CTNNA2: variants seen among roughly 807,000 people sequenced by gnomAD.
The protein encoded by CTNNA2 is catenin alpha-2.
In CTNNA2, 42 loss-of-function variants were observed where a neutral mutation model predicts 101.0. The observed-to-expected ratio is 0.42, with a 90% CI of 0.32 to 0.54. The LOEUF (loss-of-function observed/expected upper bound fraction) is 0.54. CTNNA2 is among the 20% of genes least tolerant of loss of function. CTNNA2 has a pLI of 0.14. For missense variants in CTNNA2, 871 were observed against 1,223.1 expected (o/e 0.71, Z 4.29); for synonymous variants, 450 against 456.4 (o/e 0.99, Z 0.18).
intron 5 of CTNNA2, among the ~76,000 whole-genome samples, chr2:79,506,404 G>T (rs577267848): frequency 6.6e-6 from 1 of 152,214 alleles, no homozygotes; most frequent in South Asian, 2.1e-4. Flanking sequence ...CCATCAGCAG[G>T]GAGGTATCAG....
chr2:79,651,758 C>T (rs942111491), intron 2 of CTNNA2, 100 bp downstream of exon 2: 13 of 973,948 alleles, frequency 1.3e-5, no homozygotes, highest in Non-Finnish European at 1.8e-5. Flanking sequence ...GAGAATAAAT[C>T]ATGCCATGAT....
At chr2:79,531,089 A>G (rs1425419411) in intron 1 of CTNNA2, among the ~76,000 whole-genome samples, 2 of 151,494 alleles carry the variant, frequency 1.3e-5, no homozygotes, top group East Asian at 3.9e-4. Context: ...GGACTGCTAA[A>G]ATCTCACTTT....
chr2:80,067,413 A>G (rs1023477531), intron 7 of CTNNA2, among the ~76,000 whole-genome samples: 4 of 152,104 alleles, frequency 2.6e-5, no homozygotes, highest in Non-Finnish European at 4.4e-5. Context: ...ATATAAACAT[A>G]TATAATTTTA....
At chr2:79,862,962 A>G (rs527968624) in intron 4 of CTNNA2, among the ~76,000 whole-genome samples, 11 of 152,274 alleles carry the variant, frequency 7.2e-5, no homozygotes, top group Admixed American at 7.2e-4. Context: ...TCAAGGTGCA[A>G]AAGCATGACA....
chr2:79,987,614 A>T (rs997038130), intron 7 of CTNNA2, among the ~76,000 whole-genome samples: 1 of 152,338 alleles, frequency 6.6e-6, no homozygotes, highest in South Asian at 2.1e-4. Flanking sequence ...TAATTTCCTC[A>T]ATTTAAGACA....
chr2:79,953,473 T>TA (rs1689020226), intron 7 of CTNNA2, among the ~76,000 whole-genome samples: 1 of 152,218 alleles, frequency 6.6e-6, no homozygotes, highest in Non-Finnish European at 1.5e-5. Flanking sequence ...GCATTACCTG[T>TA]AGCCAATTTG....
chr2:79,994,134 T>A (rs1692376671), intron 7 of CTNNA2, among the ~76,000 whole-genome samples: 1 of 152,114 alleles, frequency 6.6e-6, no homozygotes, highest in African/African-American at 2.4e-5. Context: ...CTCAGGCTGG[T>A]CTTGAACTCC....
chr2:79,621,608 A>G (rs1289593611), intron 1 of CTNNA2, among the ~76,000 whole-genome samples: 1 of 152,232 alleles, frequency 6.6e-6, no homozygotes, highest in East Asian at 1.9e-4. Context: ...ATAAATAAAT[A>G]AATGAGGGAA....
At chr2:79,603,889 C>G (rs527722961) in intron 1 of CTNNA2, among the ~76,000 whole-genome samples, 2 of 152,160 alleles carry the variant, frequency 1.3e-5, no homozygotes, top group South Asian at 2.1e-4. Flanking sequence ...CTTTCTTACT[C>G]TGCAACTGGC....
intron 3 of CTNNA2, among the ~76,000 whole-genome samples, chr2:79,331,503 T>G (rs1232818784): frequency 6.6e-6 from 1 of 152,230 alleles, no homozygotes; most frequent in Non-Finnish European, 1.5e-5. Flanking sequence ...CTCTCACTTC[T>G]TATGCCTTCC....
chr2:79,975,387 A>ATG (rs1277775754), intron 7 of CTNNA2, among the ~76,000 whole-genome samples: 14 of 152,278 alleles, frequency 9.2e-5, no homozygotes, highest in Admixed American at 5.2e-4. Context: ...GAGACCCCAG[A>ATG]TGTGTGGGAG....
At chr2:80,012,460 A>G (rs1693857620) in intron 7 of CTNNA2, among the ~76,000 whole-genome samples, 1 of 152,168 alleles carries the variant, frequency 6.6e-6, no homozygotes, top group South Asian at 2.1e-4. Flanking sequence ...GTCCAAAGGT[A>G]TCTGCCCACC....
At chr2:79,338,566 T>TTCC (rs1212403468) in intron 3 of CTNNA2, among the ~76,000 whole-genome samples, 8 of 143,634 alleles carry the variant, frequency 5.6e-5, no homozygotes, top group Admixed American at 4.9e-4. Context: ...CTTCTTCTTC[T>TTCC]TCCTCCTCAT....
At chr2:80,121,498 TG>T (rs558057976) in intron 7 of CTNNA2, among the ~76,000 whole-genome samples, 50 of 152,248 alleles carry the variant, frequency 3.3e-4, no homozygotes, top group Non-Finnish European at 6.0e-4. Flanking sequence ...ACAATTATAT[TG>T]GGAGGCAGTT....
intron 3 of CTNNA2, among the ~76,000 whole-genome samples, chr2:79,345,876 T>TTTC (rs1677251620): frequency 6.6e-6 from 1 of 151,256 alleles, no homozygotes; most frequent in African/African-American, 2.4e-5. Flanking sequence ...TTTTTTTTTT[T>TTTC]TTAATACAGA....
intron 1 of CTNNA2, among the ~76,000 whole-genome samples, chr2:79,516,254 T>A (rs1479254703): frequency 6.6e-6 from 1 of 152,214 alleles, no homozygotes; most frequent in Non-Finnish European, 1.5e-5. Context: ...ATGTATTAAG[T>A]AAACATTATT....
chr2:79,931,991 A>C (rs1052150429), intron 7 of CTNNA2, among the ~76,000 whole-genome samples: 9 of 152,226 alleles, frequency 5.9e-5, no homozygotes, highest in Non-Finnish European at 1.3e-4. Flanking sequence ...TTTAAAATGC[A>C]TGCGGTCAGC....
At chr2:80,078,805 A>C (rs559595601) in intron 7 of CTNNA2, among the ~76,000 whole-genome samples, 1 of 152,032 alleles carries the variant, frequency 6.6e-6, no homozygotes, top group Admixed American at 6.6e-5. Context: ...CTTACCCCCT[A>C]TGTTTTGTGA....
intron 4 of CTNNA2, among the ~76,000 whole-genome samples, chr2:79,407,818 A>G (rs1362136209): frequency 6.6e-6 from 1 of 152,036 alleles, no homozygotes; most frequent in Non-Finnish European, 1.5e-5. Context: ...ATCCATCTCA[A>G]TCCTGCTACC....
Sources: gnomAD v4.1 joint callset for allele counts (sites outside exome capture counted in the v4.1 genomes callset) on GRCh38, gnomAD v4.1.1 for gene constraint, MANE v1.5 for transcripts, NCBI Gene and HGNC (gene_info 2026-07-23, HGNC 2026-07-21) for gene names.